Variants in ALK observed in about 807,000 individuals in gnomAD.
ALK encodes the protein ALK receptor tyrosine kinase.
ALK carries 74 observed loss-of-function variants against 163.1 expected under a neutral mutation model. The observed-to-expected ratio is 0.45, with a 90% CI of 0.38 to 0.55. ALK has a LOEUF of 0.55. Among genes scored for constraint, ALK ranks in the 20% least tolerant of loss-of-function variants. The pLI, the probability that ALK is intolerant of heterozygous loss-of-function variation, is 0.00. For synonymous variants in ALK, 960 were observed against 843.2 expected (o/e 1.14, Z -2.40); for missense variants, 2,063 against 2,105.3 (o/e 0.98, Z 0.39).
intron 3 of ALK, among the ~76,000 whole-genome samples, chr2:29,651,630 A>T (rs1167094846): frequency 1.3e-5 from 2 of 152,108 alleles, no homozygotes; most frequent in African/African-American, 4.8e-5. Flanking sequence ...GCTGTTTTGC[A>T]GTTATGCCCT....
At chr2:29,530,036 A>T (rs1673077455) in intron 4 of ALK, among the ~76,000 whole-genome samples, 1 of 149,858 alleles carries the variant, frequency 6.7e-6, no homozygotes, top group Non-Finnish European at 1.5e-5. Context: ...TTTGTCTTGA[A>T]GGATCAAATA....
intron 25 of ALK, chr2:29,207,930 C>T (rs1412093920): frequency 2.5e-6 from 1 of 392,234 alleles, no homozygotes; most frequent in African/African-American, 2.0e-5. Flanking sequence ...AATTGCATGT[C>T]TAGCCTGGTG....
chr2:29,499,924 T>C (rs945633065), intron 4 of ALK, among the ~76,000 whole-genome samples: 1 of 152,150 alleles, frequency 6.6e-6, no homozygotes, highest in Non-Finnish European at 1.5e-5. Context: ...GTTGCTTTTC[T>C]TATTCATGGA....
rs1488678577 is a variant in ALK at position 29,227,091 on chromosome 2, AG to A, written c.2915-18del. 2 of 1,614,026 alleles carry A rather than the reference AG, an allele frequency of 1.2e-6. No homozygotes were observed. Among genetic ancestry groups the A allele is most frequent in the Non-Finnish European group, 1.7e-6 (2 of 1,180,014 alleles). ...CTTCCATCACTAGTGACAAGGAGGGAGGGTCAGTCTTGGGCCGAGCCTGCCT... is the reference window on the plus strand; with the variant it reads ...CTTCCATCACTAGTGACAAGGAGGGAGGTCAGTCTTGGGCCGAGCCTGCCT... On this transcript the variant is annotated intron_variant, in intron 17 of 28. Coordinates refer to ENST00000389048, the MANE Select transcript of ALK (RefSeq NM_004304.5). This position sits in a 1 kb window ranked among gnomAD's most constrained non-coding sequence, Gnocchi z 4.4.
At chr2:29,655,314 G>A (rs997985852) in intron 3 of ALK, among the ~76,000 whole-genome samples, 7 of 152,228 alleles carry the variant, frequency 4.6e-5, no homozygotes, top group African/African-American at 1.4e-4. Context: ...CACCTTTTGT[G>A]AACCTAATTA....
Position 29,558,578 on chromosome 2 carries a change from C to G in ALK, c.953-26462G>C, listed in dbSNP as rs1018401743. On this transcript the variant is annotated intron_variant, in intron 3 of 28. Transcript: ENST00000389048. Reference sequence around the variant, plus strand: ...CCCTCTCTGCCCTTCTTCCCCTGCTCTACCTTGGAATCTGCTCACCCTTCA... The same window carrying G: ...CCCTCTCTGCCCTTCTTCCCCTGCTGTACCTTGGAATCTGCTCACCCTTCA... 2.7e-4 allele frequency among the ~76,000 whole-genome samples: 41 copies of G among 152,106 alleles called. 1 individual carries two copies. Among genetic ancestry groups the G allele is most frequent in the Non-Finnish European group, 2.9e-5 (2 of 68,014 alleles).
intron 1 of ALK, among the ~76,000 whole-genome samples, chr2:29,908,074 G>C (rs1355720757): frequency 6.6e-6 from 1 of 152,102 alleles, no homozygotes; most frequent in Admixed American, 6.6e-5. Context: ...ATCCAGGCCT[G>C]AGACCCACAC....
chr2:29,199,984 GA>G (rs1573088066), intron 26 of ALK, among the ~76,000 whole-genome samples: 1 of 152,192 alleles, frequency 6.6e-6, no homozygotes, highest in African/African-American at 2.4e-5. Context: ...ATTGGGCAAA[GA>G]TATTTTCCCT....
chr2:29,613,916 G>A (rs192267348), intron 3 of ALK, among the ~76,000 whole-genome samples: 1 of 152,158 alleles, frequency 6.6e-6, no homozygotes, highest in Non-Finnish European at 1.5e-5. Context: ...CAGGAAAAAG[G>A]GGGGGTTCTA....
chr2:29,223,156 A>T (rs182682774), intron 20 of ALK, among the ~76,000 whole-genome samples, 186 bp downstream of exon 20: 2 of 152,198 alleles, frequency 1.3e-5, no homozygotes, highest in Admixed American at 1.3e-4. Flanking sequence ...TCCATAAACT[A>T]TGGGAGTTAA....
intron 4 of ALK, among the ~76,000 whole-genome samples, chr2:29,418,759 T>A (rs537908274): frequency 4.6e-5 from 7 of 152,360 alleles, no homozygotes; most frequent in Admixed American, 3.3e-4. Flanking sequence ...TATTTTAGTC[T>A]TTCTTTTTAA....
At chr2:29,890,703 G>A (rs567748535) in intron 1 of ALK, 5 of 151,304 alleles carry the variant, frequency 3.3e-5, no homozygotes, top group East Asian at 1.9e-4. Context: ...TCACATATAC[G>A]ACTCATCTTA....
At chr2:29,520,927 G>A (rs1017878480) in intron 4 of ALK, among the ~76,000 whole-genome samples, 4 of 152,118 alleles carry the variant, frequency 2.6e-5, no homozygotes, top group African/African-American at 7.2e-5. Flanking sequence ...TCTCTCATCC[G>A]GGTCTTCATT....
At chr2:29,551,642 T>C (rs956224826) in intron 3 of ALK, among the ~76,000 whole-genome samples, 1 of 152,122 alleles carries the variant, frequency 6.6e-6, no homozygotes, top group African/African-American at 2.4e-5. Flanking sequence ...TAAGCTCTCA[T>C]TAGAAGAGAG....
chr2:29,326,509 AC>A (rs1156273765), intron 6 of ALK, among the ~76,000 whole-genome samples: 1 of 152,006 alleles, frequency 6.6e-6, no homozygotes, highest in Non-Finnish European at 1.5e-5. Context: ...ATAAATAGAG[AC>A]ACACACACAG....
At chr2:29,367,445 A>G (rs539257906) in intron 5 of ALK, among the ~76,000 whole-genome samples, 13 of 152,348 alleles carry the variant, frequency 8.5e-5, no homozygotes, top group African/African-American at 3.1e-4. Flanking sequence ...AGGAAGACAA[A>G]GAAATCCTTT....
intron 3 of ALK, among the ~76,000 whole-genome samples, chr2:29,669,933 T>C (rs1677631528): frequency 6.6e-6 from 1 of 152,080 alleles, no homozygotes. Flanking sequence ...TGTTGAATTT[T>C]AGTTGTCTCA....
chr2:29,556,302 T>C (rs969870098), intron 3 of ALK, among the ~76,000 whole-genome samples: 1 of 152,150 alleles, frequency 6.6e-6, no homozygotes, highest in African/African-American at 2.4e-5. Context: ...GTGACAGGAC[T>C]CTCTTGTAGA....
intron 1 of ALK, among the ~76,000 whole-genome samples, chr2:29,845,456 CAG>C (rs1665818351): frequency 6.6e-6 from 1 of 151,172 alleles, no homozygotes; most frequent in Admixed American, 6.6e-5. Context: ...TTTTTTGAGA[CAG>C]AGTTTTGCTC....
Sources: gnomAD v4.1 joint callset for allele counts (sites outside exome capture counted in the v4.1 genomes callset) on GRCh38, gnomAD v4.1.1 for gene constraint, Gnocchi (gnomAD v3.1) non-coding constraint, MANE v1.5 for transcripts, NCBI Gene and HGNC (gene_info 2026-07-23, HGNC 2026-07-21) for gene names.